Variants in MROH2B observed in about 807,000 individuals in gnomAD.
The protein encoded by MROH2B is maestro heat-like repeat-containing protein family member 2B.
In MROH2B, 177 loss-of-function variants were observed where a neutral mutation model predicts 208.6. That is an observed-to-expected ratio of 0.85 (90% confidence interval 0.75 to 0.96). The LOEUF is 0.96. MROH2B is among the 40% of genes least tolerant of loss of function. MROH2B has a pLI of 0.00. For synonymous variants in MROH2B, 728 were observed against 659.0 expected (o/e 1.10, Z -1.60); for missense variants, 2,002 against 1,878.7 (o/e 1.07, Z -1.21).
In MROH2B at chr5:41,024,310, C is replaced by A. The variant is rs865995958; in HGVS notation, c.2442-5292G>T. ...AACCCATCTCACATGCAGAGACACA[C>A]ATAGGCTCAAAATAAAGGGATGAAG... On this transcript the variant is annotated intron_variant, in intron 24 of 41. Coordinates refer to ENST00000399564, the MANE Select transcript of MROH2B (RefSeq NM_173489.5). 2.6e-5 allele frequency among the ~76,000 whole-genome samples: 4 copies of A among 152,042 alleles called. No individual in the cohort carries two copies. The East Asian group carries it at 7.7e-4, about 29-fold the overall frequency.
chr5:41,024,039 A>G (rs944647637), intron 24 of MROH2B, among the ~76,000 whole-genome samples: 1 of 152,242 alleles, frequency 6.6e-6, no homozygotes, highest in Admixed American at 6.5e-5. Context: ...AGGAAGCACT[A>G]AACATGGTAA....
chr5:41,022,023 T>C (rs1458570516), intron 24 of MROH2B, among the ~76,000 whole-genome samples: 1 of 152,232 alleles, frequency 6.6e-6, no homozygotes, highest in Non-Finnish European at 1.5e-5. Flanking sequence ...TTATTGAGTA[T>C]ATTTAAGGTA....
In MROH2B at chr5:41,057,370, A is replaced by C. The variant is rs1276691515; in HGVS notation, c.757-10T>G. On this transcript the variant is annotated splice_polypyrimidine_tract_variant and intron_variant, in intron 7 of 41. Coordinates refer to ENST00000399564, the MANE Select transcript of MROH2B (RefSeq NM_173489.5). ...GTATTTGTTTTAGGCTCTAAAGTGG[A>C]AACTCCCACAGGTTAGTTGGAGGCT... 6 of 1,561,016 alleles carry C rather than the reference A, an allele frequency of 3.8e-6. No homozygotes were observed. The African/African-American group carries it at 5.4e-5, about 14-fold the overall frequency.
At chr5:41,063,525 C>T (rs1743704157) in intron 5 of MROH2B, among the ~76,000 whole-genome samples, 1 of 152,186 alleles carries the variant, frequency 6.6e-6, no homozygotes, top group East Asian at 1.9e-4. Context: ...ATAGCAAGTT[C>T]TCAATATATA....
At chr5:40,998,508 T>C in intron 41 of MROH2B, 104 bp downstream of exon 41, 1 of 940,190 alleles carries the variant, frequency 1.1e-6, no homozygotes, top group Non-Finnish European at 1.6e-6. Flanking sequence ...TAATTGGTAC[T>C]AAGATTTTCA....
chr5:41,054,688 A>G, intron 11 of MROH2B, 79 bp downstream of exon 11: 1 of 1,112,838 alleles, frequency 9.0e-7, no homozygotes, highest in Non-Finnish European at 1.3e-6. Context: ...TAGTCTCATA[A>G]GTAGATCCTT....
At chr5:41,027,541 A>G (rs13172984) in intron 24 of MROH2B, among the ~76,000 whole-genome samples, 79,275 of 151,932 alleles carry the variant, frequency 0.52, 21,364 homozygotes, top group Non-Finnish European at 0.59. Context: ...AGGAAACAAC[A>G]GGTGCTGGAG....
intron 24 of MROH2B, among the ~76,000 whole-genome samples, chr5:41,029,955 G>A (rs7714600): frequency 0.19 from 29,271 of 151,632 alleles, 3,123 homozygotes; most frequent in South Asian, 0.34. Context: ...TAAAATAAAA[G>A]TTGAAAAACA....
At chr5:41,002,960 G>GT (rs1741447532) in intron 37 of MROH2B, among the ~76,000 whole-genome samples, 13 of 135,050 alleles carry the variant, frequency 9.6e-5, no homozygotes, top group African/African-American at 3.3e-4. Context: ...ATTAAAAATT[G>GT]CTTTTTTTTT....
intron 37 of MROH2B, 149 bp downstream of exon 37, chr5:41,004,197 G>T: frequency 1.2e-6 from 1 of 824,480 alleles, no homozygotes; most frequent in Non-Finnish European, 1.9e-6. Flanking sequence ...GAAGCCAACA[G>T]CTTGTATAGA....
At position 41,068,803 on chromosome 5, in the gene MROH2B, C is replaced by T. The variant is rs544826733; in HGVS notation, c.90+888G>A. 1.7e-4 allele frequency among the ~76,000 whole-genome samples: 26 copies of T among 152,222 alleles called. 2 individuals carry two copies. Among genetic ancestry groups the T allele is most frequent in the African/African-American group, 2.6e-4 (11 of 41,534 alleles). On this transcript the variant is annotated intron_variant, in intron 2 of 41. Coordinates refer to ENST00000399564, the MANE Select transcript of MROH2B (RefSeq NM_173489.5). ...AGAGATTAATGTAATGGTTTTCAAC[C>T]GTACCTAAATGTTTGGATTACCTCC...
intron 24 of MROH2B, 79 bp downstream of exon 24, chr5:41,032,663 C>T: frequency 8.7e-7 from 1 of 1,154,860 alleles, no homozygotes; most frequent in Non-Finnish European, 1.3e-6. Context: ...CTGAAGTCTG[C>T]ACTAACAGAT....
In MROH2B at chr5:41,000,827, C is replaced by T. The variant is rs1309177855; in HGVS notation, c.4201G>A (p.Asp1401Asn). The change falls in exon 38 of 42, where the codon GAT becomes AAT. Residue 1401 changes from aspartate (D) to asparagine (N), a missense_variant. Transcript: ENST00000399564. The stretch of plus-strand genomic sequence containing the variant: ...AAGATGGCAGTCAATCTCACATCAT[C>T]CTGCTCCTGTGGTGACGAATGCATG... ...QTRTFFEDEQ[D>N]DVRLTAIFLF... 10 of 1,610,374 alleles carry T rather than the reference C, an allele frequency of 6.2e-6. No individual in the cohort carries two copies. Among genetic ancestry groups the T allele is most frequent in the South Asian group, 5.5e-5 (5 of 90,126 alleles).
At chr5:41,000,937 G>C in intron 37 of MROH2B, 104 bp from the exon 38 acceptor site, 5 of 1,310,970 alleles carry the variant, frequency 3.8e-6, no homozygotes, top group Non-Finnish European at 3.1e-6. Flanking sequence ...GCAAAAGAAG[G>C]CTGGAACCCA....
chr5:41,038,609 C>G, intron 21 of MROH2B, 127 bp downstream of exon 21: 1 of 866,750 alleles, frequency 1.2e-6, no homozygotes, highest in Non-Finnish European at 1.7e-6. Flanking sequence ...CTGTATTAGT[C>G]TGTTTTCACG....
At chr5:41,043,203 G>C (rs894226293) in intron 18 of MROH2B, among the ~76,000 whole-genome samples, 1 of 152,174 alleles carries the variant, frequency 6.6e-6, no homozygotes, top group South Asian at 2.1e-4. Flanking sequence ...TGAAATGAGA[G>C]GGGGGCATAA....
chr5:41,046,299 C>G (rs1743116993), intron 17 of MROH2B, among the ~76,000 whole-genome samples: 1 of 151,724 alleles, frequency 6.6e-6, no homozygotes, highest in South Asian at 2.1e-4. Context: ...AAAGAACAGG[C>G]ACATTTTGAT....
intron 6 of MROH2B, among the ~76,000 whole-genome samples, chr5:41,058,881 C>T (rs112541965): frequency 0.04 from 6,017 of 151,610 alleles, 401 homozygotes; most frequent in African/African-American, 0.14. Flanking sequence ...ATCCCCGTCT[C>T]TACTAAAAAT....
intron 24 of MROH2B, among the ~76,000 whole-genome samples, 179 bp from the exon 25 acceptor site, chr5:41,019,197 A>C (rs1359452905): frequency 6.6e-6 from 1 of 152,204 alleles, no homozygotes; most frequent in Non-Finnish European, 1.5e-5. Flanking sequence ...ACACAGAATC[A>C]GACTGCATTG....
Sources: gnomAD v4.1 joint callset for allele counts (sites outside exome capture counted in the v4.1 genomes callset) on GRCh38, gnomAD v4.1.1 for gene constraint, MANE v1.5 for transcripts, NCBI Gene and HGNC (gene_info 2026-07-23, HGNC 2026-07-21) for gene names.